Variants in RTN1 observed in about 807,000 individuals in gnomAD.
RTN1 encodes reticulon 1, also known as reticulon-1.
In RTN1, 25 loss-of-function variants were observed where a neutral mutation model predicts 65.5. The observed-to-expected ratio is 0.38, with a 90% CI of 0.28 to 0.53. The LOEUF (loss-of-function observed/expected upper bound fraction) is 0.53. Among genes scored for constraint, RTN1 ranks in the 20% least tolerant of loss-of-function variants. RTN1 has a pLI of 0.79. For synonymous variants in RTN1, 471 were observed against 447.6 expected (o/e 1.05, Z -0.66); for missense variants, 983 against 1,025.4 (o/e 0.96, Z 0.57).
intron 3 of RTN1, among the ~76,000 whole-genome samples, chr14:59,643,912 C>A (rs1566670707): frequency 6.6e-6 from 1 of 151,852 alleles, no homozygotes; most frequent in Non-Finnish European, 1.5e-5. Context: ...TAAAAACTTA[C>A]TATGACTAGG....
intron 1 of RTN1, among the ~76,000 whole-genome samples, chr14:59,838,659 A>G (rs1377854811): frequency 2.0e-5 from 3 of 152,192 alleles, no homozygotes; most frequent in Non-Finnish European, 4.4e-5. Flanking sequence ...ACACACGTAT[A>G]TATGTCTGTA....
intron 1 of RTN1, among the ~76,000 whole-genome samples, chr14:59,861,587 T>C (rs1041941907): frequency 9.9e-5 from 15 of 152,206 alleles, no homozygotes; most frequent in African/African-American, 4.8e-5. Flanking sequence ...CACATTAAAA[T>C]GGCAACCTGG....
At chr14:59,666,563 T>G (rs995625504) in intron 3 of RTN1, among the ~76,000 whole-genome samples, 2 of 151,826 alleles carry the variant, frequency 1.3e-5, no homozygotes, top group Non-Finnish European at 2.9e-5. Flanking sequence ...ATTCAAAAGC[T>G]AGCAGAAGAC....
In RTN1 at chr14:59,603,980, A is replaced by G; in HGVS notation, c.2113-59T>C. Reference sequence around the variant, plus strand: ...ACCCTTCCTGACAAGTTAGAGTCTCATATCATTGACTTTTACCTAGATTTG... The same window carrying G: ...ACCCTTCCTGACAAGTTAGAGTCTCGTATCATTGACTTTTACCTAGATTTG... On this transcript the variant is annotated intron_variant, in intron 5 of 8. Transcript: ENST00000267484. 3.7e-6 allele frequency: 5 copies of G among 1,341,720 alleles called. No individual in the cohort carries two copies. The Admixed American group carries it at 6.9e-5, about 18-fold the overall frequency. 83.1% of individuals were successfully genotyped at this position (1,341,720 alleles called of 1,614,324 possible).
intron 5 of RTN1, chr14:59,605,055 C>T (rs916060823): frequency 1.2e-4 from 24 of 192,422 alleles, no homozygotes; most frequent in Non-Finnish European, 2.1e-4. Flanking sequence ...GTCGGAGGAA[C>T]TAAAAATGGT....
chr14:59,761,939 A>T (rs1367653647), intron 1 of RTN1, among the ~76,000 whole-genome samples: 2 of 152,220 alleles, frequency 1.3e-5, no homozygotes, highest in Non-Finnish European at 2.9e-5. Context: ...ACACAGAGCA[A>T]GCAAATGAGG....
At chr14:59,819,734 C>G (rs1886904536) in intron 1 of RTN1, among the ~76,000 whole-genome samples, 1 of 152,098 alleles carries the variant, frequency 6.6e-6, no homozygotes, top group African/African-American at 2.4e-5. Flanking sequence ...CGGCTGAGGC[C>G]CAGCAAGAAT....
chr14:59,843,460 C>T (rs1887350919), intron 1 of RTN1, among the ~76,000 whole-genome samples: 2 of 152,216 alleles, frequency 1.3e-5, no homozygotes, highest in Admixed American at 6.5e-5. Flanking sequence ...AATTACATCT[C>T]AGCATTTTTA....
At position 59,870,643 on chromosome 14, in the gene RTN1, C is replaced by G. The variant is rs1282891470; in HGVS notation, c.-13G>C. 5 of 1,369,550 alleles carry G rather than the reference C, an allele frequency of 3.7e-6. No homozygotes were observed. The highest frequency in any genetic ancestry group is 3.1e-5 in the East Asian group (1 of 31,828). 84.8% of individuals were successfully genotyped at this position (1,369,550 alleles called of 1,614,324 possible). The stretch of plus-strand genomic sequence containing the variant: ...CCGGCGCGGCCATGGCTGGCGGTCC[C>G]CCGGCGCGGCGACGGCGGCTTGGCT... On this transcript the variant is annotated 5_prime_UTR_variant, in exon 1 of 9. Coordinates refer to ENST00000267484, the MANE Select transcript of RTN1 (RefSeq NM_021136.3). This position sits in a 1 kb window ranked among gnomAD's most constrained non-coding sequence, Gnocchi z 5.1.
At chr14:59,668,272 C>A (rs1883424741) in intron 3 of RTN1, among the ~76,000 whole-genome samples, 3 of 152,146 alleles carry the variant, frequency 2.0e-5, no homozygotes, top group Non-Finnish European at 4.4e-5. Flanking sequence ...ACCAATGGAA[C>A]AGAACAGAGG....
At chr14:59,704,526 C>T (rs1436302433) in intron 3 of RTN1, among the ~76,000 whole-genome samples, 1 of 152,170 alleles carries the variant, frequency 6.6e-6, no homozygotes, top group African/African-American at 2.4e-5. Context: ...TTCAAAGGCC[C>T]AGAGTCACTA....
chr14:59,699,186 G>A (rs961286143), intron 3 of RTN1, among the ~76,000 whole-genome samples: 13 of 152,080 alleles, frequency 8.5e-5, no homozygotes, highest in Admixed American at 3.3e-4. Context: ...TATACTGCTC[G>A]AGTGATGGGT....
chr14:59,805,847 C>T (rs766346619), intron 1 of RTN1, among the ~76,000 whole-genome samples: 3 of 152,054 alleles, frequency 2.0e-5, no homozygotes, highest in African/African-American at 7.2e-5. Flanking sequence ...AGAAAGACTG[C>T]CTTTCATTTT....
At chr14:59,823,068 A>G (rs1040595250) in intron 1 of RTN1, among the ~76,000 whole-genome samples, 1 of 151,934 alleles carries the variant, frequency 6.6e-6, no homozygotes, top group African/African-American at 2.4e-5. Context: ...TTATTTTTCT[A>G]CCTCAGTGAT....
intron 1 of RTN1, among the ~76,000 whole-genome samples, chr14:59,864,278 G>A (rs934049022): frequency 6.6e-6 from 1 of 151,920 alleles, no homozygotes; most frequent in African/African-American, 2.4e-5. Context: ...TCTTCCTGTG[G>A]TTCCTTCAAT....
Position 59,603,635 on chromosome 14 carries a change from A to G in RTN1, c.2182+217T>C, listed in dbSNP as rs188056474. ...AGAAAGAAGCCAGTTATGTTTGAAG[A>G]AAAAAAACCCTTTAGACTTAGGAAT... On this transcript the variant is annotated intron_variant, in intron 6 of 8. Transcript: ENST00000267484. 6.8e-3 allele frequency: 2,286 copies of G among 336,018 alleles called. 14 individuals carry two copies. The highest frequency in any genetic ancestry group is 7.5e-3 in the Non-Finnish European group (1,391 of 185,914). The allele number at this position is 336,018 out of a possible 1,614,324, so 20.8% of individuals were successfully genotyped here. A position where few individuals can be genotyped will look rare whatever the true frequency, so the allele number is the denominator to read the frequency against.
chr14:59,812,642 C>A (rs1244011545), intron 1 of RTN1, among the ~76,000 whole-genome samples: 1 of 152,168 alleles, frequency 6.6e-6, no homozygotes, highest in African/African-American at 2.4e-5. Context: ...GTCAATTCAG[C>A]TATTTTCTCC....
chr14:59,654,553 C>T (rs147897097), intron 3 of RTN1, among the ~76,000 whole-genome samples: 1 of 150,986 alleles, frequency 6.6e-6, no homozygotes, highest in Non-Finnish European at 1.5e-5. Flanking sequence ...AGCAATATCT[C>T]TTATGAATAT....
intron 1 of RTN1, among the ~76,000 whole-genome samples, chr14:59,843,551 T>C (rs931894197): frequency 7.9e-5 from 12 of 152,242 alleles, no homozygotes; most frequent in African/African-American, 2.9e-4. Flanking sequence ...TAGCTATTAT[T>C]GTTATTCAAC....
Sources: gnomAD v4.1 joint callset for allele counts (sites outside exome capture counted in the v4.1 genomes callset) on GRCh38, gnomAD v4.1.1 for gene constraint, Gnocchi (gnomAD v3.1) non-coding constraint, MANE v1.5 for transcripts, NCBI Gene and HGNC (gene_info 2026-07-23, HGNC 2026-07-21) for gene names.